Variants in COL23A1 observed in about 807,000 individuals in gnomAD.
The protein encoded by COL23A1 is collagen type XXIII alpha 1 chain.
A neutral mutation model predicts 99.3 loss-of-function variants in COL23A1; 97 were observed. The observed-to-expected ratio is 0.98, with a 90% CI of 0.83 to 1.16. COL23A1 has a LOEUF of 1.16. Ranked by LOEUF, COL23A1 falls within the 50% of genes most tolerant of loss-of-function variation. The pLI, the probability that COL23A1 is intolerant of heterozygous loss-of-function variation, is 0.00. For missense variants in COL23A1, 762 were observed against 757.4 expected, an observed-to-expected ratio of 1.01 and a Z score of -0.07; for synonymous variants, 320 against 308.2, an observed-to-expected ratio of 1.04 and a Z score of -0.40.
At chr5:178,252,811 C>A (rs1409715042) in intron 16 of COL23A1, among the ~76,000 whole-genome samples, 2 of 152,210 alleles carry the variant, frequency 1.3e-5, no homozygotes, top group East Asian at 3.9e-4. Flanking sequence ...AGGTGACACC[C>A]AGCATTTGAC....
chr5:178,532,640 G>A (rs931976047), intron 2 of COL23A1, among the ~76,000 whole-genome samples: 8 of 152,156 alleles, frequency 5.3e-5, no homozygotes, highest in Non-Finnish European at 8.8e-5. Context: ...AATGGGCACC[G>A]TGACTGGGTG....
At chr5:178,476,783 C>T (rs1433859881) in intron 2 of COL23A1, among the ~76,000 whole-genome samples, 2 of 152,234 alleles carry the variant, frequency 1.3e-5, no homozygotes, top group African/African-American at 4.8e-5. Flanking sequence ...TGCCAGCCAC[C>T]ATGCTAGGGA....
chr5:178,374,914 C>T (rs951413247), intron 2 of COL23A1, among the ~76,000 whole-genome samples: 1 of 152,142 alleles, frequency 6.6e-6, no homozygotes, highest in African/African-American at 2.4e-5. Flanking sequence ...TAACCAATAA[C>T]CCATAATCAA....
chr5:178,573,364 T>G (rs1163157287), intron 1 of COL23A1, among the ~76,000 whole-genome samples: 1 of 152,226 alleles, frequency 6.6e-6, no homozygotes, highest in Admixed American at 6.5e-5. Flanking sequence ...AGCAGAGTCA[T>G]GGCAAAGGCC....
At chr5:178,443,589 T>C (rs964866972) in intron 2 of COL23A1, among the ~76,000 whole-genome samples, 1 of 151,990 alleles carries the variant, frequency 6.6e-6, no homozygotes. Context: ...GCCTCCCAAG[T>C]AGCTGGGATT....
chr5:178,324,012 G>T (rs906926134), intron 2 of COL23A1, among the ~76,000 whole-genome samples: 2 of 152,066 alleles, frequency 1.3e-5, no homozygotes, highest in South Asian at 4.2e-4. Context: ...GAAATGTGAC[G>T]GCCTGGGGTC....
At chr5:178,446,128 G>C (rs1767148569) in intron 2 of COL23A1, among the ~76,000 whole-genome samples, 1 of 151,812 alleles carries the variant, frequency 6.6e-6, no homozygotes, top group East Asian at 1.9e-4. Context: ...ATAACACCCA[G>C]TACAGGGGCG....
At chr5:178,493,387 A>G (rs1001549228) in intron 2 of COL23A1, among the ~76,000 whole-genome samples, 3 of 152,190 alleles carry the variant, frequency 2.0e-5, no homozygotes, top group African/African-American at 4.8e-5. Flanking sequence ...GGCTATTCCA[A>G]TGTAGGAAAC....
Position 178,281,959 on chromosome 5 carries a change from C to T in COL23A1, c.441+6365G>A, listed in dbSNP as rs1035786832. ...CCTAGCTACTTGGGAGGCTGAGGCACGAGAATCACTTGAACCCAGGAGGCG... is the reference window on the plus strand; with the variant it reads ...CCTAGCTACTTGGGAGGCTGAGGCATGAGAATCACTTGAACCCAGGAGGCG... On this transcript the variant is annotated intron_variant, in intron 5 of 28. Coordinates refer to ENST00000390654, the MANE Select transcript of COL23A1 (RefSeq NM_173465.4). This position sits in a 1 kb window ranked among gnomAD's most constrained non-coding sequence, Gnocchi z 4.0. Among the ~76,000 whole-genome samples the T allele has an allele frequency of 1.4e-5, 2 of 146,354 alleles. No individual in the cohort carries two copies. The highest frequency in any genetic ancestry group is 3.0e-5 in the Non-Finnish European group (2 of 67,004).
At chr5:178,588,075 A>C (rs908041993) in intron 1 of COL23A1, among the ~76,000 whole-genome samples, 1 of 152,202 alleles carries the variant, frequency 6.6e-6, no homozygotes, top group African/African-American at 2.4e-5. Flanking sequence ...AATTCTCCAG[A>C]ATACAGGGTT....
chr5:178,510,276 T>G (rs1014414560), intron 2 of COL23A1, among the ~76,000 whole-genome samples: 1 of 152,246 alleles, frequency 6.6e-6, no homozygotes, highest in Non-Finnish European at 1.5e-5. Flanking sequence ...GCATGGTGGC[T>G]CACGCCTGTA....
At chr5:178,311,484 CTGTGTGTGTGTGTGTGTGTGTGCGCGTG>C (rs898084880) in intron 2 of COL23A1, among the ~76,000 whole-genome samples, 2 of 58,128 alleles carry the variant, frequency 3.4e-5, no homozygotes, top group South Asian at 4.2e-4. Context: ...GTTCTTTCCT[CTGTGTGTGTGTGTGTGTGTGTGCGCGTG>C]TGTGTGTGTG....
intron 2 of COL23A1, chr5:178,351,127 G>C (rs1260434766): frequency 6.6e-6 from 1 of 152,346 alleles, no homozygotes; most frequent in African/African-American, 2.4e-5. Flanking sequence ...TGCCCAGCAA[G>C]AGACACGGAG....
intron 2 of COL23A1, among the ~76,000 whole-genome samples, chr5:178,479,346 C>A (rs954888701): frequency 3.3e-5 from 5 of 152,306 alleles, no homozygotes; most frequent in Admixed American, 3.3e-4. Context: ...GTGCTCCTAA[C>A]CACAGCAACG....
chr5:178,510,375 C>G (rs1429352781), intron 2 of COL23A1, among the ~76,000 whole-genome samples: 1 of 152,176 alleles, frequency 6.6e-6, no homozygotes, highest in African/African-American at 2.4e-5. Flanking sequence ...AACCCTGTCT[C>G]TACTAAAAAT....
At chr5:178,319,909 C>T (rs1160229179) in intron 2 of COL23A1, among the ~76,000 whole-genome samples, 2 of 152,236 alleles carry the variant, frequency 1.3e-5, no homozygotes, top group Non-Finnish European at 2.9e-5. Flanking sequence ...CCCACTGCTT[C>T]CCTGCACCCG....
At chr5:178,267,168 A>C (rs1249895367) in intron 8 of COL23A1, 139 bp downstream of exon 8, 2 of 901,970 alleles carry the variant, frequency 2.2e-6, no homozygotes, top group African/African-American at 1.6e-5. Context: ...CACCGGTGCT[A>C]TGGGTGGGGA....
intron 1 of COL23A1, among the ~76,000 whole-genome samples, chr5:178,580,830 G>A (rs184407956): frequency 5.9e-5 from 9 of 152,262 alleles, no homozygotes; most frequent in Non-Finnish European, 1.3e-4. Flanking sequence ...GACCAGCCTG[G>A]TCAACACAGC....
rs545296200 is a variant in COL23A1 at position 178,300,429 on chromosome 5, C to T, written c.406+6446G>A. ...TTGTTGATAGTTTTTTTCCTTTTGT[C>T]ATTTATTGAATATGCCATCCTACTG... On this transcript the variant is annotated intron_variant, in intron 3 of 28. Transcript: ENST00000390654. Among the ~76,000 whole-genome samples, 3 of 152,178 alleles carry T rather than the reference C, an allele frequency of 2.0e-5. No homozygotes were observed. In the East Asian group the frequency reaches 5.8e-4, roughly 29 times the overall value.
Sources: gnomAD v4.1 joint callset for allele counts (sites outside exome capture counted in the v4.1 genomes callset) on GRCh38, gnomAD v4.1.1 for gene constraint, Gnocchi (gnomAD v3.1) non-coding constraint, MANE v1.5 for transcripts, NCBI Gene and HGNC (gene_info 2026-07-23, HGNC 2026-07-21) for gene names.